The following ZNF563 variants were observed in gnomAD, a reference collection of about 807,000 sequenced individuals.
ZNF563 encodes the protein zinc finger protein 563.
ZNF563 carries 39 observed loss-of-function variants against 48.5 expected under a neutral mutation model. The ratio of observed to expected loss-of-function variants is 0.80; its 90% CI spans 0.62 to 1.05. The LOEUF is 1.05. Ranked by LOEUF, ZNF563 falls within the 50% of genes least tolerant of loss-of-function variation. ZNF563 has a pLI of 0.00. For synonymous variants in ZNF563, 168 were observed against 187.9 expected (o/e 0.89, Z 0.87); for missense variants, 538 against 597.0 (o/e 0.90, Z 1.03).
chr19:12,321,282 T>C lies in ZNF563; in HGVS notation c.181A>G (p.Arg61Gly). 1 of 1,576,684 alleles carries C rather than the reference T, an allele frequency of 6.3e-7. No individual in the cohort carries two copies. The highest frequency in any genetic ancestry group is 8.6e-7 in the Non-Finnish European group (1 of 1,163,700). ...NTEDQYKNPR[R>G]NLRCHMVERF... ...GTGAGTGCAAATTACCTTAGATTTC[T>C]CCTAGGATTTTTGTACTGATCTTCA... Residue 61 changes from arginine to glycine, a missense_variant, in exon 3 of 4, where the codon AGA (arginine) becomes GGA (glycine). Coordinates refer to ENST00000293725, the MANE Select transcript of ZNF563 (RefSeq NM_145276.3).
intron 1 of ZNF563, among the ~76,000 whole-genome samples, chr19:12,323,739 G>C (rs1968697658): frequency 6.6e-6 from 1 of 152,218 alleles, no homozygotes; most frequent in African/African-American, 2.4e-5. Context: ...TCTCTAATGA[G>C]AGACCCTGGT....
chr19:12,330,736 T>C (rs974910803), intron 1 of ZNF563, among the ~76,000 whole-genome samples: 1 of 152,214 alleles, frequency 6.6e-6, no homozygotes. Context: ...CACCTCCATA[T>C]ACAATAATCA....
intron 1 of ZNF563, chr19:12,324,901 G>A (rs1968745977): frequency 6.6e-6 from 1 of 151,978 alleles, no homozygotes; most frequent in African/African-American, 2.4e-5. Flanking sequence ...ATTTGTCCTT[G>A]GCCCAATCAC....
intron 1 of ZNF563, among the ~76,000 whole-genome samples, chr19:12,327,955 T>C (rs187247399): frequency 7.4e-4 from 113 of 152,326 alleles, no homozygotes; most frequent in Non-Finnish European, 7.1e-4. Context: ...TCTACAATTA[T>C]AGTTGGAGGG....
chr19:12,339,711 G>A, the ZNF563 span, among the ~76,000 whole-genome samples: 1 of 152,162 alleles, frequency 6.6e-6, no homozygotes, highest in Non-Finnish European at 1.5e-5. Context: ...TGCACTGTGG[G>A]AGCTTCAGAA....
chr19:12,321,362 CATT>C, intron 2 of ZNF563, 30 bp from the exon 3 acceptor site: 2 of 1,427,442 alleles, frequency 1.4e-6, no homozygotes, highest in Non-Finnish European at 1.9e-6. Context: ...AATCACTATA[CATT>C]ATTAGAAAAT....
the ZNF563 span, among the ~76,000 whole-genome samples, chr19:12,339,574 C>CT: frequency 6.6e-6 from 1 of 152,094 alleles, no homozygotes; most frequent in Non-Finnish European, 1.5e-5. Flanking sequence ...GCCACCATGC[C>CT]TGGCCAGCAT....
chr19:12,334,769 T>A (rs1968998492), upstream of ZNF563, among the ~76,000 whole-genome samples: 1 of 145,254 alleles, frequency 6.9e-6, no homozygotes, highest in Non-Finnish European at 1.5e-5. Context: ...CTCGGGAGGC[T>A]GAGGCAGGAG....
At chr19:12,331,071 T>C (rs1018970268) in intron 1 of ZNF563, among the ~76,000 whole-genome samples, 10 of 152,182 alleles carry the variant, frequency 6.6e-5, no homozygotes, top group Admixed American at 4.6e-4. Flanking sequence ...ACAAGAATTT[T>C]TTAAAGGCAT....
chr19:12,326,372 G>A (rs1599573332), intron 1 of ZNF563, among the ~76,000 whole-genome samples: 1 of 152,144 alleles, frequency 6.6e-6, no homozygotes, highest in Admixed American at 6.6e-5. Flanking sequence ...GGCCAGGTGC[G>A]GCAGCTCACG....
At chr19:12,336,833 C>T (rs534397981), upstream of ZNF563, among the ~76,000 whole-genome samples, 1 of 152,234 alleles carries the variant, frequency 6.6e-6, no homozygotes, top group Admixed American at 6.5e-5. Context: ...CCTCTCAACC[C>T]CAGCCCACAC....
chr19:12,341,850 G>A, the ZNF563 span, among the ~76,000 whole-genome samples: 7,411 of 152,098 alleles, frequency 0.049, 602 homozygotes, highest in African/African-American at 0.17. Context: ...AACACAATAA[G>A]CAAAACAGAC....
intron 1 of ZNF563, among the ~76,000 whole-genome samples, chr19:12,327,765 T>G (rs1968829434): frequency 6.6e-6 from 1 of 152,170 alleles, no homozygotes; most frequent in Non-Finnish European, 1.5e-5. Context: ...CTCTATTACA[T>G]TCAGACAAAT....
Position 12,319,450 on chromosome 19 carries a change from C to G in ZNF563, c.575G>C (p.Gly192Ala), listed in dbSNP as rs1199362970. Residue 192 changes from glycine to alanine, a missense_variant, in exon 4 of 4, where the codon GGT (glycine) becomes GCT (alanine). Coordinates refer to ENST00000293725, the MANE Select transcript of ZNF563 (RefSeq NM_145276.3). ...CTTACATTTATAAGGTCTATTTCCA[C>G]CTTGCACTACCATGTGTCTTCGAAG... is the stretch of plus-strand genomic sequence containing the variant. ...RNLRRHMVVQGGNRPYKCKLC... is the reference protein window; with the variant it reads ...RNLRRHMVVQAGNRPYKCKLC... The G allele has an allele frequency of 6.2e-7, 1 of 1,614,228 alleles. No homozygotes were observed.
rs112725015 is a variant in ZNF563 at position 12,318,395 on chromosome 19, TA to T, written c.*198del. The stretch of plus-strand genomic sequence containing the variant: ...AGTTGTTTTATGTTGACAATGGTGT[TA>T]AAAAAAAATCGATCACTTTCCCACA... On this transcript the variant is annotated 3_prime_UTR_variant, in exon 4 of 4. Coordinates refer to ENST00000293725, the MANE Select transcript of ZNF563 (RefSeq NM_145276.3). 326 of 614,884 alleles carry T rather than the reference TA, an allele frequency of 5.3e-4. No homozygotes were observed. The highest frequency in any genetic ancestry group is 1.4e-3 in the East Asian group (47 of 34,078). The allele number at this position is 614,884 out of a possible 1,614,324, so 38.1% of individuals were successfully genotyped here.
chr19:12,340,421 G>A, the ZNF563 span, among the ~76,000 whole-genome samples: 14 of 152,044 alleles, frequency 9.2e-5, no homozygotes, highest in East Asian at 3.9e-4. Flanking sequence ...GGACCACTTC[G>A]GCTTAGGAGT....
chr19:12,340,520 T>A, the ZNF563 span, among the ~76,000 whole-genome samples: 1 of 152,104 alleles, frequency 6.6e-6, no homozygotes, highest in African/African-American at 2.4e-5. Flanking sequence ...ATGCCTGTAA[T>A]CCCAGCACTT....
chr19:12,335,121 C>G (rs184524926), upstream of ZNF563, among the ~76,000 whole-genome samples: 162 of 152,228 alleles, frequency 1.1e-3, no homozygotes, highest in African/African-American at 3.7e-3. Context: ...GCTGCCCACT[C>G]CAGGTGGCTG....
At position 12,322,579 on chromosome 19, in the gene ZNF563, C is replaced by G. The variant is rs774969210; in HGVS notation, c.130+6G>C. On this transcript the variant is annotated splice_donor_region_variant and intron_variant, in intron 2 of 3. Transcript: ENST00000293725. ...TGATTAAGTGAAGACATGGTATCATCCTTACTTATACAGTCCAGGTTCCTG... is the reference window on the plus strand; with the variant it reads ...TGATTAAGTGAAGACATGGTATCATGCTTACTTATACAGTCCAGGTTCCTG... 6.3e-7 allele frequency: 1 copy of G among 1,590,858 alleles called. No homozygotes were observed. Among genetic ancestry groups the G allele is most frequent in the Admixed American group, 1.8e-5 (1 of 56,820 alleles).
Sources: gnomAD v4.1 joint callset for allele counts (sites outside exome capture counted in the v4.1 genomes callset) on GRCh38, gnomAD v4.1.1 for gene constraint, MANE v1.5 for transcripts, NCBI Gene and HGNC (gene_info 2026-07-23, HGNC 2026-07-21) for gene names.